The following CADPS variants were observed in gnomAD, a reference collection of about 807,000 sequenced individuals.
CADPS encodes the protein calcium-dependent secretion activator 1.
Under a neutral mutation model 167.3 loss-of-function variants are expected in CADPS, and 57 were observed. That is an observed-to-expected ratio of 0.34 (90% CI 0.28 to 0.42). The LOEUF is 0.42. CADPS is among the 20% of genes least tolerant of loss of function. The pLI, the probability that CADPS is intolerant of heterozygous loss-of-function variation, is 1.00. For synonymous variants in CADPS, 676 were observed against 635.3 expected (o/e 1.06, Z -0.96); for missense variants, 1,414 against 1,738.1 (o/e 0.81, Z 3.32).
chr3:62,789,411 A>G (rs2092742351), intron 1 of CADPS, among the ~76,000 whole-genome samples: 1 of 152,220 alleles, frequency 6.6e-6, no homozygotes, highest in African/African-American at 2.4e-5. Flanking sequence ...GGGGAGTAGG[A>G]GTATGTGAGT....
chr3:62,491,183 G>A (rs1209503463), intron 21 of CADPS, among the ~76,000 whole-genome samples, 156 bp downstream of exon 21: 1 of 152,032 alleles, frequency 6.6e-6, no homozygotes, highest in Non-Finnish European at 1.5e-5. Context: ...TGCCATTTGG[G>A]CAAAGAAGCT....
At chr3:62,822,295 C>T (rs1475473821) in intron 1 of CADPS, among the ~76,000 whole-genome samples, 1 of 152,168 alleles carries the variant, frequency 6.6e-6, no homozygotes, top group African/African-American at 2.4e-5. Flanking sequence ...CACCCTTGAT[C>T]TTTTTCACCT....
In CADPS at chr3:62,518,304, A is replaced by C. The variant is rs545078251; in HGVS notation, c.2292-54T>G. On this transcript the variant is annotated intron_variant, in intron 13 of 29. Coordinates refer to ENST00000383710, the MANE Select transcript of CADPS (RefSeq NM_003716.4). ...GGAACCTCATATGCTGACACCATCA[A>C]ATCAAATCTCTAGCAGGAGGAAACT... is the stretch of plus-strand genomic sequence containing the variant. The C allele has an allele frequency of 5.4e-6, 7 of 1,293,956 alleles. No individual in the cohort carries two copies. The East Asian group carries it at 1.6e-4, about 30-fold the overall frequency. 80.2% of individuals were successfully genotyped at this position (1,293,956 alleles called of 1,614,324 possible). A position where few individuals can be genotyped will look rare whatever the true frequency, so the allele number is the denominator to read the frequency against.
At chr3:62,654,536 C>T (rs1252451639) in intron 4 of CADPS, among the ~76,000 whole-genome samples, 1 of 152,110 alleles carries the variant, frequency 6.6e-6, no homozygotes, top group Admixed American at 6.6e-5. Context: ...GTGTATACAA[C>T]TTTACATAGC....
chr3:62,617,201 C>A (rs1459197122), intron 6 of CADPS, among the ~76,000 whole-genome samples: 1 of 152,028 alleles, frequency 6.6e-6, no homozygotes, highest in Non-Finnish European at 1.5e-5. Context: ...CAAGAAATGT[C>A]CCAAGTGAGA....
chr3:62,595,529 AGCTGC>A (rs1472894507), intron 6 of CADPS, among the ~76,000 whole-genome samples: 11 of 152,256 alleles, frequency 7.2e-5, no homozygotes, highest in South Asian at 2.1e-4. Flanking sequence ...AAGAACAAAC[AGCTGC>A]AAGTTTGGAA....
Position 62,403,128 on chromosome 3 carries a change from A to G in CADPS, c.3835T>C (p.Leu1279=), listed in dbSNP as rs760658975. The G allele has an allele frequency of 3.1e-6, 5 of 1,613,552 alleles. No individual in the cohort carries two copies. The highest frequency in any genetic ancestry group is 4.2e-6 in the Non-Finnish European group (5 of 1,179,518). The change falls in exon 29 of 30, where the codon TTA becomes CTA. Residue 1279 remains leucine, a synonymous_variant. Transcript: ENST00000383710. ...ICTWLTDRMD[L]QLHIYQLKTL... ...TTCAACTGATAAATATGAAGCTGTA[A>G]GTCCATCCGGTCCGTCAACCAGGTG... is the stretch of plus-strand genomic sequence containing the variant.
intron 1 of CADPS, among the ~76,000 whole-genome samples, chr3:62,831,472 G>A (rs1194305898): frequency 4.6e-5 from 7 of 152,126 alleles, no homozygotes; most frequent in Admixed American, 4.6e-4. Flanking sequence ...TCTGGAATGA[G>A]CACTAAAACC....
intron 3 of CADPS, among the ~76,000 whole-genome samples, chr3:62,750,015 C>A (rs2082342479): frequency 6.6e-6 from 1 of 152,066 alleles, no homozygotes; most frequent in Non-Finnish European, 1.5e-5. Flanking sequence ...TATATCAAAG[C>A]TGTGATTTTA....
At chr3:62,483,299 T>C (rs1576632504) in intron 21 of CADPS, among the ~76,000 whole-genome samples, 2 of 89,078 alleles carry the variant, frequency 2.2e-5, no homozygotes, top group African/African-American at 8.4e-5. Context: ...CTTGCTTGGG[T>C]GGGGAAGTGG....
intron 3 of CADPS, among the ~76,000 whole-genome samples, chr3:62,686,106 G>A (rs372748143): frequency 1.1e-4 from 17 of 152,098 alleles, no homozygotes; most frequent in Middle Eastern, 3.4e-3. Flanking sequence ...AAATATGTAC[G>A]ATTATTATGT....
At chr3:62,559,622 G>C (rs2078795824) in intron 9 of CADPS, among the ~76,000 whole-genome samples, 1 of 152,042 alleles carries the variant, frequency 6.6e-6, no homozygotes. Context: ...AGCCTCCTGA[G>C]TAGCTGGGAT....
chr3:62,723,754 G>T (rs1324665776), intron 3 of CADPS, among the ~76,000 whole-genome samples: 1 of 152,242 alleles, frequency 6.6e-6, no homozygotes, highest in Non-Finnish European at 1.5e-5. Flanking sequence ...TGCTTAAAAT[G>T]CGAGAAGCCT....
At chr3:62,718,090 TTCTA>T (rs1564254283) in intron 3 of CADPS, among the ~76,000 whole-genome samples, 1 of 152,126 alleles carries the variant, frequency 6.6e-6, no homozygotes, top group African/African-American at 2.4e-5. Flanking sequence ...TTTCTTGACA[TTCTA>T]TCTATTGTCT....
intron 3 of CADPS, among the ~76,000 whole-genome samples, chr3:62,673,788 T>C (rs1031729135): frequency 1.3e-5 from 2 of 152,182 alleles, no homozygotes; most frequent in Non-Finnish European, 2.9e-5. Flanking sequence ...CAGAGGTGAT[T>C]ATATTCTCTG....
At position 62,403,190 on chromosome 3, in the gene CADPS, A is replaced by G. The variant is rs757743711; in HGVS notation, c.3778-5T>C. On this transcript the variant is annotated splice_region_variant and splice_polypyrimidine_tract_variant and intron_variant, in intron 28 of 29. Transcript: ENST00000383710. ...CATGGAGCTGTTGTACCATTGCTGA[A>G]AAAAGAGACAAAAGTTCTCCAGCCA... The G allele has an allele frequency of 6.2e-7, 1 of 1,606,718 alleles. No homozygotes were observed. The highest frequency in any genetic ancestry group is 8.5e-7 in the Non-Finnish European group (1 of 1,173,746).
At chr3:62,725,063 C>A (rs1429912288) in intron 3 of CADPS, among the ~76,000 whole-genome samples, 1 of 152,212 alleles carries the variant, frequency 6.6e-6, no homozygotes, top group African/African-American at 2.4e-5. Flanking sequence ...AGTTTTCTGC[C>A]TTTGCTTCTT....
intron 13 of CADPS, chr3:62,530,674 C>A: frequency 7.8e-7 from 1 of 1,287,968 alleles, no homozygotes; most frequent in Non-Finnish European, 1.0e-6. Context: ...CTTGATTTGC[C>A]TGGGTTTTGG....
intron 3 of CADPS, among the ~76,000 whole-genome samples, chr3:62,664,953 A>T (rs899026212): frequency 9.2e-5 from 14 of 152,182 alleles, no homozygotes; most frequent in African/African-American, 2.9e-4. Flanking sequence ...CATTCATTAA[A>T]TTTTTATGGA....
Sources: gnomAD v4.1 joint callset for allele counts (sites outside exome capture counted in the v4.1 genomes callset) on GRCh38, gnomAD v4.1.1 for gene constraint, MANE v1.5 for transcripts, NCBI Gene and HGNC (gene_info 2026-07-23, HGNC 2026-07-21) for gene names.